The following DHX57 variants were observed in gnomAD, a reference collection of about 807,000 sequenced individuals.
DHX57 encodes the protein putative ATP-dependent RNA helicase DHX57.
A neutral mutation model predicts 156.2 loss-of-function variants in DHX57; 105 were observed. That is an observed-to-expected ratio of 0.67 (90% CI 0.57 to 0.79). DHX57 has a LOEUF of 0.79. Ranked by LOEUF, DHX57 falls within the 30% of genes least tolerant of loss-of-function variation. DHX57 has a pLI of 0.00. For synonymous variants in DHX57, 704 were observed against 595.6 expected (o/e 1.18, Z -2.65); for missense variants, 1,847 against 1,661.9 (o/e 1.11, Z -1.94).
chr2:38,831,176 G>A (rs370369494), intron 13 of DHX57, among the ~76,000 whole-genome samples: 169 of 151,874 alleles, frequency 1.1e-3, no homozygotes, highest in African/African-American at 3.7e-3. Context: ...TATTATATAT[G>A]GATTGAAAAA....
At chr2:38,815,696 T>C in intron 19 of DHX57, 41 bp from the exon 20 acceptor site, 1 of 1,613,226 alleles carries the variant, frequency 6.2e-7, no homozygotes, top group Non-Finnish European at 8.5e-7. Context: ...GGCATCAGCA[T>C]AACAAAGTGT....
rs1671100382 is a variant in DHX57, at chr2:38,826,629, T to G, written c.2700A>C (p.Val900=). 1 of 1,614,194 alleles carries G rather than the reference T, an allele frequency of 6.2e-7. No homozygotes were observed. The highest frequency in any genetic ancestry group is 1.3e-5 in the African/African-American group (1 of 75,046). ...TCTTAGTTACTCCTGCAGGAGGTTT[T>G]ACAAACACAGCCTGCTGCTCTTCAC... ...LSSEEQQAVF[V]KPPAGVTKII... is the part of the protein sequence containing the mutation. Residue 900 remains valine (V), a synonymous_variant, in exon 15 of 24, where the codon GTA becomes GTC. Coordinates refer to ENST00000457308, the MANE Select transcript of DHX57 (RefSeq NM_198963.3).
chr2:38,845,866 T>TG (rs1491210140), intron 11 of DHX57, among the ~76,000 whole-genome samples: 2 of 62,216 alleles, frequency 3.2e-5, no homozygotes, highest in Non-Finnish European at 7.3e-5. Flanking sequence ...AATAGCTAAC[T>TG]TTTTTTTTTT....
intron 21 of DHX57, chr2:38,811,284 C>A: frequency 1.9e-6 from 1 of 517,228 alleles, no homozygotes; most frequent in Non-Finnish European, 3.8e-6. Context: ...GAGTAGCAGG[C>A]GAGCTCAAAC....
chr2:38,828,501 T>A, intron 13 of DHX57, 65 bp from the exon 14 acceptor site: 1 of 1,242,896 alleles, frequency 8.0e-7, no homozygotes, highest in East Asian at 2.6e-5. Flanking sequence ...AAGAAAAATT[T>A]TTTTAAAAAA....
intron 12 of DHX57, among the ~76,000 whole-genome samples, chr2:38,840,737 A>G (rs1671950953): frequency 6.6e-6 from 1 of 152,172 alleles, no homozygotes; most frequent in Admixed American, 6.6e-5. Context: ...GAACTTTAGT[A>G]ACCTTTGTGC....
chr2:38,848,568 A>G (rs548641519), intron 9 of DHX57, among the ~76,000 whole-genome samples, 166 bp from the exon 10 acceptor site: 68 of 152,134 alleles, frequency 4.5e-4, no homozygotes, highest in African/African-American at 1.4e-3. Flanking sequence ...AAGCCTTACT[A>G]TTACAGGTTG....
At chr2:38,874,398 T>G (rs1034062948) in intron 1 of DHX57, among the ~76,000 whole-genome samples, 1 of 118,706 alleles carries the variant, frequency 8.4e-6, no homozygotes, top group African/African-American at 3.0e-5. Flanking sequence ...GTTGAAATAC[T>G]GTATTTTTTT....
chr2:38,838,235 A>T (rs867797362), intron 12 of DHX57, among the ~76,000 whole-genome samples: 23 of 152,172 alleles, frequency 1.5e-4, no homozygotes, highest in Middle Eastern at 3.4e-3. Context: ...AGAGGCTGGG[A>T]CTGCAGGCAT....
At chr2:38,826,768 A>G in intron 14 of DHX57, 79 bp from the exon 15 acceptor site, 6 of 1,460,542 alleles carry the variant, frequency 4.1e-6, no homozygotes, top group Non-Finnish European at 5.6e-6. Context: ...TTTCTACTAA[A>G]ACCAACAATA....
intron 23 of DHX57, among the ~76,000 whole-genome samples, chr2:38,800,492 C>T (rs755664769): frequency 6.6e-6 from 1 of 152,110 alleles, no homozygotes; most frequent in Non-Finnish European, 1.5e-5. Flanking sequence ...CTGTTTTGCC[C>T]CTTCCCCACT....
intron 23 of DHX57, among the ~76,000 whole-genome samples, chr2:38,799,779 G>A (rs1369825471): frequency 1.4e-5 from 2 of 147,498 alleles, no homozygotes; most frequent in Non-Finnish European, 3.0e-5. Context: ...AAGTGGGCCA[G>A]GCTCAGTGGC....
intron 12 of DHX57, among the ~76,000 whole-genome samples, chr2:38,838,570 C>G (rs1671809205): frequency 6.6e-6 from 1 of 152,160 alleles, no homozygotes; most frequent in African/African-American, 2.4e-5. Flanking sequence ...AGCTTAAGTT[C>G]TGGAAACAAA....
intron 5 of DHX57, among the ~76,000 whole-genome samples, chr2:38,859,377 G>A (rs1326636973): frequency 6.6e-6 from 1 of 152,164 alleles, no homozygotes; most frequent in East Asian, 1.9e-4. Context: ...GCTGGGGGAA[G>A]GGGAAAATGA....
chr2:38,866,107 C>G (rs1665056693), intron 2 of DHX57, among the ~76,000 whole-genome samples: 1 of 152,160 alleles, frequency 6.6e-6, no homozygotes, highest in African/African-American at 2.4e-5. Flanking sequence ...TTTTCTAATT[C>G]ACATAAAGGC....
chr2:38,823,029 G>A lies in DHX57; in HGVS notation c.3255C>T (p.Leu1085=), dbSNP rs1165852253. 2.5e-6 allele frequency: 4 copies of A among 1,614,034 alleles called. No individual in the cohort carries two copies. The highest frequency in any genetic ancestry group is 1.3e-5 in the African/African-American group (1 of 74,920). Residue 1085 remains leucine (L), a synonymous_variant, in exon 17 of 24, where the codon CTC becomes CTT. Coordinates refer to ENST00000457308, the MANE Select transcript of DHX57 (RefSeq NM_198963.3). ...TAAAAGCCAAACTGGCAGCAATGGT[G>A]AGAGCAGGATCCAAACAGCGGAAGA... ...GSIFRCLDPA[L]TIAASLAFKS... is the part of the protein sequence containing the mutation.
At chr2:38,848,704 T>A (rs182431946) in intron 9 of DHX57, among the ~76,000 whole-genome samples, 1 of 152,260 alleles carries the variant, frequency 6.6e-6, no homozygotes, top group East Asian at 1.9e-4. Flanking sequence ...AAACAAGAAA[T>A]CAATTTATGT....
intron 14 of DHX57, among the ~76,000 whole-genome samples, chr2:38,827,533 T>TAC (rs56064954): frequency 2.7e-4 from 13 of 48,264 alleles, no homozygotes; most frequent in African/African-American, 8.7e-4. Flanking sequence ...TATATATATA[T>TAC]ACACACATAC....
chr2:38,822,274 T>G (rs1558367192), intron 17 of DHX57, among the ~76,000 whole-genome samples: 1 of 151,874 alleles, frequency 6.6e-6, no homozygotes, highest in South Asian at 2.1e-4. Context: ...AGAGACGGGG[T>G]TTCTCCATGT....
Sources: gnomAD v4.1 joint callset for allele counts (sites outside exome capture counted in the v4.1 genomes callset) on GRCh38, gnomAD v4.1.1 for gene constraint, MANE v1.5 for transcripts, NCBI Gene and HGNC (gene_info 2026-07-23, HGNC 2026-07-21) for gene names.